The following PRKN variants were observed in gnomAD, a reference collection of about 807,000 sequenced individuals.
PRKN encodes the protein parkin RBR E3 ubiquitin protein ligase, also known as E3 ubiquitin-protein ligase parkin.
In PRKN, 56 loss-of-function variants were observed where a neutral mutation model predicts 59.5. That is an observed-to-expected ratio of 0.94 (90% CI 0.76 to 1.18). The LOEUF is 1.18. Among genes scored for constraint, PRKN ranks in the 50% most tolerant of loss-of-function variants. The probability of loss-of-function intolerance (pLI) is 0.00; values close to 1 mark genes in which losing one functional copy is unlikely to be tolerated. For missense variants in PRKN, 657 were observed against 596.4 expected (o/e 1.10, Z -1.06); for synonymous variants, 250 against 222.1 (o/e 1.13, Z -1.12).
intron 1 of PRKN, among the ~76,000 whole-genome samples, chr6:162,473,800 A>C (rs528046229): frequency 1.8e-4 from 27 of 152,254 alleles, no homozygotes; most frequent in African/African-American, 6.0e-4. Context: ...ACTGATGGCA[A>C]GTGTGGAAAG....
chr6:161,495,260 C>A (rs1200615859), intron 9 of PRKN, among the ~76,000 whole-genome samples: 1 of 152,160 alleles, frequency 6.6e-6, no homozygotes, highest in Non-Finnish European at 1.5e-5. Flanking sequence ...TGGCTAGTGG[C>A]CACTGCATTG....
chr6:161,586,321 A>G (rs1021412576), intron 7 of PRKN, among the ~76,000 whole-genome samples: 22 of 152,140 alleles, frequency 1.4e-4, no homozygotes, highest in African/African-American at 5.3e-4. Flanking sequence ...CTCAACCTGC[A>G]CCTTTGGTTT....
At position 161,529,677 on chromosome 6, in the gene PRKN, A is replaced by G. The variant is rs995271347; in HGVS notation, c.1083+19177T>C. 6.6e-6 allele frequency among the ~76,000 whole-genome samples: 1 copy of G among 152,352 alleles called. No individual in the cohort carries two copies. Among genetic ancestry groups the G allele is most frequent in the African/African-American group, 2.4e-5 (1 of 41,586 alleles). ...TGTTTTGGAAGAAGCTGTCCTACAT[A>G]TAAGTTGTCTTCTGCAAAATAAGAC... is the stretch of plus-strand genomic sequence containing the variant. On this transcript the variant is annotated intron_variant, in intron 9 of 11. Coordinates refer to ENST00000366898, the MANE Select transcript of PRKN (RefSeq NM_004562.3). The surrounding 1 kb of genome is among the most constrained non-coding windows in gnomAD (Gnocchi z 4.4).
At chr6:162,013,652 T>C (rs1782822107) in intron 5 of PRKN, among the ~76,000 whole-genome samples, 1 of 152,212 alleles carries the variant, frequency 6.6e-6, no homozygotes, top group Non-Finnish European at 1.5e-5. Context: ...CTCTTCTTTT[T>C]CAATATCTGT....
At chr6:162,217,519 G>C (rs1777735669) in intron 3 of PRKN, among the ~76,000 whole-genome samples, 2 of 152,006 alleles carry the variant, frequency 1.3e-5, no homozygotes, top group South Asian at 4.1e-4. Context: ...CAAGTAGCTG[G>C]GATTACAGGC....
intron 4 of PRKN, among the ~76,000 whole-genome samples, chr6:162,170,750 A>G (rs1042944381): frequency 2.6e-5 from 4 of 152,164 alleles, no homozygotes; most frequent in African/African-American, 9.7e-5. Context: ...TGCTTATCAC[A>G]TGCCTTTAGT....
chr6:162,113,502 T>C (rs145293509), intron 4 of PRKN, among the ~76,000 whole-genome samples: 175 of 152,264 alleles, frequency 1.1e-3, no homozygotes, highest in African/African-American at 3.8e-3. Context: ...AAATAAGCAC[T>C]GTGGTCAATG....
At chr6:161,645,980 C>A (rs1285249303) in intron 7 of PRKN, among the ~76,000 whole-genome samples, 1 of 128,400 alleles carries the variant, frequency 7.8e-6, no homozygotes, top group Admixed American at 8.0e-5. Flanking sequence ...GTGGTCACTG[C>A]GTGTGCGTGC....
chr6:161,610,579 G>A (rs1782453027), intron 7 of PRKN, among the ~76,000 whole-genome samples: 1 of 151,456 alleles, frequency 6.6e-6, no homozygotes, highest in Admixed American at 6.6e-5. Context: ...CCAGGGATAT[G>A]ACAGTGAAGA....
chr6:161,733,782 AAATATATATATATATGTATATATATATAT>A (rs1787825334), intron 7 of PRKN, among the ~76,000 whole-genome samples: 2 of 79,894 alleles, frequency 2.5e-5, no homozygotes, highest in South Asian at 8.0e-4. Flanking sequence ...AAAAAAAAAA[AAATATATATATATATGTATATATATATAT>A]ATATATATAT....
chr6:161,495,508 G>A (rs1583151722), intron 9 of PRKN, among the ~76,000 whole-genome samples: 2 of 152,212 alleles, frequency 1.3e-5, no homozygotes, highest in Non-Finnish European at 2.9e-5. Context: ...AGATGTAAAC[G>A]AAAGTGAAGC....
chr6:161,639,465 C>G (rs1783657533), intron 7 of PRKN, among the ~76,000 whole-genome samples: 1 of 152,204 alleles, frequency 6.6e-6, no homozygotes, highest in South Asian at 2.1e-4. Context: ...ACTCCTCACT[C>G]CCTCTTCCCC....
At chr6:162,341,543 G>T (rs2128128317) in intron 2 of PRKN, among the ~76,000 whole-genome samples, 1 of 152,300 alleles carries the variant, frequency 6.6e-6, no homozygotes, top group Admixed American at 6.5e-5. Context: ...TTAAGAAAAT[G>T]TGGCACATAT....
In PRKN at chr6:161,401,160, T is replaced by C. The variant is rs1188170982; in HGVS notation, c.1084-14283A>G. Among the ~76,000 whole-genome samples the C allele has an allele frequency of 2.6e-5, 4 of 152,290 alleles. No individual in the cohort carries two copies. In the East Asian group the frequency reaches 5.8e-4, roughly 22 times the overall value. On this transcript the variant is annotated intron_variant, in intron 9 of 11. Coordinates refer to ENST00000366898, the MANE Select transcript of PRKN (RefSeq NM_004562.3). The surrounding 1 kb of genome is among the most constrained non-coding windows in gnomAD (Gnocchi z 4.4). ...AAGAAGGTTGGCTCAAAGACACCTG[T>C]TTTTGCATGTAAAGTATCAGGCTGG... is the stretch of plus-strand genomic sequence containing the variant.
intron 5 of PRKN, among the ~76,000 whole-genome samples, chr6:162,045,195 CAT>C (rs1259884261): frequency 6.6e-6 from 1 of 152,212 alleles, no homozygotes; most frequent in East Asian, 1.9e-4. Context: ...TTGTTTTCTG[CAT>C]AGTGACTAGC....
At chr6:162,459,479 T>C (rs754075455) in intron 1 of PRKN, among the ~76,000 whole-genome samples, 10 of 152,192 alleles carry the variant, frequency 6.6e-5, no homozygotes, top group Non-Finnish European at 8.8e-5. Flanking sequence ...AAATTCACAA[T>C]ACAATTTTAT....
intron 2 of PRKN, among the ~76,000 whole-genome samples, chr6:162,264,048 C>A (rs916760304): frequency 6.6e-6 from 1 of 151,916 alleles, no homozygotes; most frequent in Non-Finnish European, 1.5e-5. Context: ...CCAAGGCGGG[C>A]GGATCACTTG....
At chr6:161,648,066 G>C (rs6455751) in intron 7 of PRKN, among the ~76,000 whole-genome samples, 68,249 of 152,136 alleles carry the variant, frequency 0.45, 17,501 homozygotes, top group African/African-American at 0.7. Context: ...ATGCTGAAAT[G>C]TGGTCTTTTG....
At chr6:162,040,862 A>G (rs1784044082) in intron 5 of PRKN, among the ~76,000 whole-genome samples, 1 of 152,060 alleles carries the variant, frequency 6.6e-6, no homozygotes, top group Non-Finnish European at 1.5e-5. Context: ...GAAAAACAAC[A>G]AGAATCAGAC....
Sources: gnomAD v4.1 joint callset for allele counts (sites outside exome capture counted in the v4.1 genomes callset) on GRCh38, gnomAD v4.1.1 for gene constraint, Gnocchi (gnomAD v3.1) non-coding constraint, MANE v1.5 for transcripts, NCBI Gene and HGNC (gene_info 2026-07-23, HGNC 2026-07-21) for gene names.